The following PBLD variants were observed in gnomAD, a reference collection of about 807,000 sequenced individuals.
The protein encoded by PBLD is phenazine biosynthesis-like domain-containing protein.
In PBLD, 26 loss-of-function variants were observed where a neutral mutation model predicts 31.3. The observed-to-expected ratio is 0.83, with a 90% confidence interval of 0.61 to 1.15. The LOEUF is 1.15. Ranked by LOEUF, PBLD falls within the 50% of genes most tolerant of loss-of-function variation. The probability of loss-of-function intolerance (pLI) is 0.00; values close to 1 mark genes in which losing one functional copy is unlikely to be tolerated. For synonymous variants in PBLD, 114 were observed against 129.0 expected (o/e 0.88, Z 0.79); for missense variants, 307 against 351.7 (o/e 0.87, Z 1.02).
chr10:68,330,023 T>A (rs998248430), intron 1 of PBLD, among the ~76,000 whole-genome samples: 2 of 152,016 alleles, frequency 1.3e-5, no homozygotes, highest in Admixed American at 6.5e-5. Flanking sequence ...GTGTAGCTTA[T>A]GCTACACACT....
chr10:68,309,754 C>T (rs1348828712), intron 1 of PBLD, among the ~76,000 whole-genome samples: 1 of 146,598 alleles, frequency 6.8e-6, no homozygotes, highest in African/African-American at 2.5e-5. Context: ...TTGTGGTGAG[C>T]CGAGATCACG....
intron 2 of PBLD, among the ~76,000 whole-genome samples, chr10:68,303,480 G>C (rs7920487): frequency 1 from 151,992 of 151,992 alleles, 75,996 homozygotes; most frequent in Non-Finnish European, 1. Flanking sequence ...GTTATATGTT[G>C]TCATGTGAAA....
chr10:68,324,217 G>T (rs1040658051), intron 1 of PBLD, among the ~76,000 whole-genome samples: 1 of 150,402 alleles, frequency 6.6e-6, no homozygotes. Flanking sequence ...TCGCTCTGTT[G>T]CCAGGCTGGA....
intron 1 of PBLD, among the ~76,000 whole-genome samples, chr10:68,314,700 C>T (rs1589667658): frequency 6.6e-6 from 1 of 151,866 alleles, no homozygotes; most frequent in Non-Finnish European, 1.5e-5. Flanking sequence ...CAGGTTCAAG[C>T]GATTCTCCTT....
intron 1 of PBLD, among the ~76,000 whole-genome samples, chr10:68,323,459 G>A (rs2044866536): frequency 6.6e-6 from 1 of 152,118 alleles, no homozygotes; most frequent in East Asian, 1.9e-4. Flanking sequence ...CTACTCAGGA[G>A]GCTGAGGCTG....
In PBLD at chr10:68,284,029, G is replaced by A. The variant is rs543588448; in HGVS notation, c.*148C>T. 2 of 658,522 alleles carry A rather than the reference G, an allele frequency of 3.0e-6. No individual in the cohort carries two copies. The highest frequency in any genetic ancestry group is 2.9e-5 in the East Asian group (1 of 33,926). 40.8% of individuals were successfully genotyped at this position (658,522 alleles called of 1,614,324 possible). The stretch of plus-strand genomic sequence containing the variant: ...CTCAAAGTGCTACGATTACAGGCAT[G>A]AGCCACTGCGCCTGGCCCATTTTTC... On this transcript the variant is annotated 3_prime_UTR_variant, in exon 10 of 10. Coordinates refer to ENST00000358769, the MANE Select transcript of PBLD (RefSeq NM_022129.4).
intron 8 of PBLD, among the ~76,000 whole-genome samples, chr10:68,286,377 T>G (rs991922694): frequency 6.6e-6 from 1 of 152,224 alleles, no homozygotes; most frequent in Non-Finnish European, 1.5e-5. Context: ...CATGAGCCAC[T>G]GCGCCCAGCC....
intron 2 of PBLD, among the ~76,000 whole-genome samples, chr10:68,304,409 T>C (rs185171296): frequency 6.6e-6 from 1 of 152,322 alleles, no homozygotes; most frequent in Admixed American, 6.5e-5. Context: ...TTAGAGAGCA[T>C]CCCCAAATCA....
chr10:68,322,650 C>A (rs1282847157), intron 1 of PBLD, among the ~76,000 whole-genome samples: 2 of 147,398 alleles, frequency 1.4e-5, no homozygotes. Flanking sequence ...GGTGACACAG[C>A]GAGACCCTGT....
At chr10:68,303,098 G>C (rs1025057429) in intron 2 of PBLD, among the ~76,000 whole-genome samples, 2 of 150,208 alleles carry the variant, frequency 1.3e-5, no homozygotes, top group Non-Finnish European at 2.9e-5. Context: ...GTTTGAGAAG[G>C]AGTTTCACTC....
rs375372773 is a variant in PBLD, at chr10:68,285,329, T to C, written c.754+19A>G. 5.6e-6 allele frequency: 9 copies of C among 1,613,746 alleles called. No individual in the cohort carries two copies. In the African/African-American group the frequency reaches 8.0e-5, roughly 14 times the overall value. Reference sequence around the variant, plus strand: ...CGAATTAGGCAAATAAAAAAGAAATTGGTAAAGAGCTGTCCTACCATGCAT... The same window carrying C: ...CGAATTAGGCAAATAAAAAAGAAATCGGTAAAGAGCTGTCCTACCATGCAT... On this transcript the variant is annotated intron_variant, in intron 9 of 9. Transcript: ENST00000358769.
intron 2 of PBLD, 89 bp downstream of exon 2, chr10:68,306,672 A>C: frequency 8.2e-7 from 1 of 1,220,680 alleles, no homozygotes. Flanking sequence ...AGAGGTAAAC[A>C]AACAGGTGAA....
At chr10:68,311,817 T>C (rs1323576292) in intron 1 of PBLD, among the ~76,000 whole-genome samples, 1 of 151,684 alleles carries the variant, frequency 6.6e-6, no homozygotes, top group Non-Finnish European at 1.5e-5. Context: ...TTGTTGATGG[T>C]TTAGCAGGCA....
intron 1 of PBLD, among the ~76,000 whole-genome samples, chr10:68,313,507 C>T (rs2044697704): frequency 1.3e-5 from 2 of 152,334 alleles, no homozygotes; most frequent in South Asian, 4.1e-4. Context: ...AAGCTCCAAA[C>T]ACCGCCTTTG....
chr10:68,296,307 T>G lies in PBLD; in HGVS notation c.242A>C (p.His81Pro), dbSNP rs145190151. 21 of 1,614,114 alleles carry G rather than the reference T, an allele frequency of 1.3e-5. No individual in the cohort carries two copies. In the African/African-American group the frequency reaches 1.3e-4, roughly 10 times the overall value. ...TPASEVPLCG[H>P]ATLASAAVLF... The stretch of plus-strand genomic sequence containing the variant: ...CACAGCTGCAGAAGCCAGGGTGGCA[T>G]GGCCACAGAGTGGGACCTCACTCGC... The change falls in exon 4 of 10, where the codon CAT becomes CCT. Residue 81 changes from histidine to proline, a missense_variant. Transcript: ENST00000358769.
In PBLD at chr10:68,288,921, A is replaced by G. The variant is rs1187474784; in HGVS notation, c.512+10T>C. 1 of 1,613,558 alleles carries G rather than the reference A, an allele frequency of 6.2e-7. No homozygotes were observed. Reference sequence around the variant, plus strand: ...CCTCCCCAAAGTGCTGATGCAGCCAAAAATCTTACCTGTTGTAAACGTCAC... The same window carrying G: ...CCTCCCCAAAGTGCTGATGCAGCCAGAAATCTTACCTGTTGTAAACGTCAC... On this transcript the variant is annotated intron_variant, in intron 7 of 9. Transcript: ENST00000358769.
chr10:68,285,389 C>T lies in PBLD; in HGVS notation c.713G>A (p.Ser238Asn). ...CCCCAGATGCTGGGACCAGTAGCTG[C>T]TGAGAACAGCGTGTGCAGACCCTCA... Reference protein sequence around the residue: ...PVTGSAHAVLSSYWSQHLGKK... With the variant: ...PVTGSAHAVLNSYWSQHLGKK... Residue 238 changes from serine to asparagine, a missense_variant, in exon 9 of 10, where the codon AGC (serine) becomes AAC (asparagine). Physicochemically the swap from Ser to Asn is conservative, Grantham distance 46. Coordinates refer to ENST00000358769, the MANE Select transcript of PBLD (RefSeq NM_022129.4). 1 of 1,613,958 alleles carries T rather than the reference C, an allele frequency of 6.2e-7. No homozygotes were observed. The highest frequency in any genetic ancestry group is 8.5e-7 in the Non-Finnish European group (1 of 1,179,932).
At chr10:68,328,368 C>A (rs186650199) in intron 1 of PBLD, among the ~76,000 whole-genome samples, 4 of 152,190 alleles carry the variant, frequency 2.6e-5, no homozygotes, top group East Asian at 1.9e-4. Context: ...TCCCTCCCCC[C>A]GAAGAGTGTA....
chr10:68,327,456 G>A (rs1267390076), intron 1 of PBLD, among the ~76,000 whole-genome samples: 1 of 151,860 alleles, frequency 6.6e-6, no homozygotes, highest in Admixed American at 6.6e-5. Flanking sequence ...GAGGCAGGTG[G>A]ATCATGAGGT....
Sources: allele counts gnomAD v4.1 joint callset (sites outside exome capture counted in the v4.1 genomes callset), GRCh38; gene constraint gnomAD v4.1.1; transcripts MANE v1.5; gene names NCBI Gene and HGNC (gene_info 2026-07-23, HGNC 2026-07-21).